The following STK24 variants were observed in gnomAD, a reference collection of about 807,000 sequenced individuals.
STK24 encodes the protein serine/threonine kinase 24.
A neutral mutation model predicts 55.6 loss-of-function variants in STK24; 21 were observed. The ratio of observed to expected loss-of-function variants is 0.38; its 90% CI spans 0.27 to 0.54. STK24 has a LOEUF of 0.54. Among genes scored for constraint, STK24 ranks in the 20% least tolerant of loss-of-function variants. STK24 has a pLI of 0.79. For missense variants in STK24, 383 were observed against 538.4 expected (o/e 0.71, Z 2.86); for synonymous variants, 200 against 215.2 (o/e 0.93, Z 0.62).
At chr13:98,538,388 C>G (rs564918064) in intron 1 of STK24, among the ~76,000 whole-genome samples, 1 of 152,042 alleles carries the variant, frequency 6.6e-6, no homozygotes, top group Non-Finnish European at 1.5e-5. Context: ...CCACACACAG[C>G]TAATTTCTGT....
intron 1 of STK24, among the ~76,000 whole-genome samples, chr13:98,534,780 C>T (rs1448310506): frequency 3.3e-5 from 5 of 152,214 alleles, no homozygotes; most frequent in Non-Finnish European, 7.3e-5. Context: ...TCCGACCCAA[C>T]CAATCAGCAT....
chr13:98,559,006 A>C lies in STK24; in HGVS notation c.42+17739T>G, dbSNP rs1246945583. 9.5e-3 allele frequency among the ~76,000 whole-genome samples: 583 copies of C among 61,552 alleles called. 2 individuals are homozygous for C. Among genetic ancestry groups the C allele is most frequent in the African/African-American group, 0.024 (568 of 24,054 alleles). 40.4% of individuals were successfully genotyped at this position (61,552 alleles called of 152,430 possible). On this transcript the variant is annotated intron_variant, in intron 1 of 10. Coordinates refer to ENST00000539966, the MANE Select transcript of STK24 (RefSeq NM_001032296.4). ...GTGGAGAAACCCTGTCTCTACTAAA[A>C]AAAAAAAAAAAAAAAAAAAAAAAAA...
intron 1 of STK24, among the ~76,000 whole-genome samples, chr13:98,550,437 G>A (rs959618191): frequency 1.3e-5 from 2 of 152,190 alleles, no homozygotes; most frequent in Admixed American, 6.5e-5. Flanking sequence ...GGTGAGGCAG[G>A]AGGATCGCCT....
intron 4 of STK24, 22 bp from the exon 5 acceptor site, chr13:98,475,000 G>A (rs748286949): frequency 4.4e-5 from 70 of 1,593,172 alleles, no homozygotes; most frequent in Non-Finnish European, 5.8e-5. Context: ...AGCCAAGGCG[G>A]CCCTGGGCGG....
intron 1 of STK24, among the ~76,000 whole-genome samples, chr13:98,546,367 C>A (rs1232825680): frequency 7.1e-6 from 1 of 141,648 alleles, no homozygotes. Context: ...TCTACCAACT[C>A]TTACAAAAAC....
intron 1 of STK24, among the ~76,000 whole-genome samples, chr13:98,529,011 C>A (rs1295206440): frequency 6.6e-6 from 1 of 152,114 alleles, no homozygotes; most frequent in African/African-American, 2.4e-5. Context: ...TAGAGCTGAA[C>A]CGAGCCTCAG....
chr13:98,516,980 A>G (rs1896088133), intron 2 of STK24, among the ~76,000 whole-genome samples: 1 of 152,216 alleles, frequency 6.6e-6, no homozygotes, highest in South Asian at 2.1e-4. Flanking sequence ...ATACATGCAG[A>G]TATGTACTGT....
chr13:98,462,415 CAT>C, intron 7 of STK24, among the ~76,000 whole-genome samples: 1 of 152,256 alleles, frequency 6.6e-6, no homozygotes, highest in East Asian at 1.9e-4. Flanking sequence ...CCTCCCCCAT[CAT>C]GAGATGATGG....
At chr13:98,550,532 AAAC>A (rs909046550) in intron 1 of STK24, among the ~76,000 whole-genome samples, 1 of 152,150 alleles carries the variant, frequency 6.6e-6, no homozygotes, top group Non-Finnish European at 1.5e-5. Flanking sequence ...CTCTCTCCAA[AAAC>A]AACAACAACA....
chr13:98,499,280 C>T (rs1158019870), intron 2 of STK24, among the ~76,000 whole-genome samples: 5 of 151,980 alleles, frequency 3.3e-5, no homozygotes, highest in African/African-American at 1.2e-4. Context: ...ATGTTCTCCA[C>T]ACATTCACAC....
intron 1 of STK24, among the ~76,000 whole-genome samples, chr13:98,531,771 G>A (rs931831506): frequency 3.3e-5 from 5 of 152,126 alleles, no homozygotes; most frequent in African/African-American, 1.2e-4. Context: ...TGGGTTTTTG[G>A]CTAGACATCA....
At position 98,452,180 on chromosome 13, in the gene STK24, T is replaced by C. The variant is rs1436501964; in HGVS notation, c.*993A>G. Reference sequence around the variant, plus strand: ...AAAATAAGCGTGTTATAAAATTTATTTGTGTAAGCATTCAGACATTTTTAG... The same window carrying C: ...AAAATAAGCGTGTTATAAAATTTATCTGTGTAAGCATTCAGACATTTTTAG... On this transcript the variant is annotated 3_prime_UTR_variant, in exon 11 of 11. Transcript: ENST00000539966. 6.6e-6 allele frequency: 1 copy of C among 152,118 alleles called. No homozygotes were observed. The highest frequency in any genetic ancestry group is 1.5e-5 in the Non-Finnish European group (1 of 68,026). 9.4% of individuals were successfully genotyped at this position (152,118 alleles called of 1,614,324 possible).
At chr13:98,561,302 G>T (rs1310997641) in intron 1 of STK24, among the ~76,000 whole-genome samples, 2 of 152,146 alleles carry the variant, frequency 1.3e-5, no homozygotes, top group Non-Finnish European at 2.9e-5. Flanking sequence ...CAGCAAGGAG[G>T]TCGGGCACGG....
At chr13:98,521,949 C>G in intron 1 of STK24, 1 of 1,300,840 alleles carries the variant, frequency 7.7e-7, no homozygotes, top group South Asian at 1.3e-5. Context: ...TGGCAACATG[C>G]TCCAGTTTCT....
chr13:98,445,959 C>A lies in STK24; in HGVS notation c.*7214G>T. The A allele has an allele frequency of 1.7e-6, 1 of 604,610 alleles. No homozygotes were observed. The highest frequency in any genetic ancestry group is 2.8e-5 in the East Asian group (1 of 35,288). The allele number at this position is 604,610 out of a possible 1,614,324, so 37.5% of individuals were successfully genotyped here. A position where few individuals can be genotyped will look rare whatever the true frequency, so the allele number is the denominator to read the frequency against. ...AGGACCTGCCAAGTCTCCCCACACA[C>A]GGGGGAGCGGGGGTGGGGCCCACAT... On this transcript the variant is annotated 3_prime_UTR_variant, in exon 11 of 11. Transcript: ENST00000539966.
At chr13:98,553,487 GA>G in intron 1 of STK24, 2 of 168,638 alleles carry the variant, frequency 1.2e-5, no homozygotes, top group Non-Finnish European at 1.4e-5. Context: ...ACCAAGGAAC[GA>G]AAAAGTAGCT....
intron 1 of STK24, among the ~76,000 whole-genome samples, chr13:98,532,707 C>A (rs375121285): frequency 6.6e-6 from 1 of 152,194 alleles, no homozygotes; most frequent in South Asian, 2.1e-4. Flanking sequence ...AATATTCTTT[C>A]GAAGAAAAGT....
intron 9 of STK24, among the ~76,000 whole-genome samples, chr13:98,457,611 A>T (rs1893523527): frequency 6.6e-6 from 1 of 151,804 alleles, no homozygotes. Flanking sequence ...CTGGGATTAC[A>T]GGCCCCTGCC....
Position 98,453,402 on chromosome 13 carries a change from C to G in STK24, c.1260-193G>C, listed in dbSNP as rs1024293154. Reference sequence around the variant, plus strand: ...GACTGAGAAGATCATGATTCTTACACAAAAACTCCAGAGCATGTCACCAAA... The same window carrying G: ...GACTGAGAAGATCATGATTCTTACAGAAAAACTCCAGAGCATGTCACCAAA... On this transcript the variant is annotated intron_variant, in intron 10 of 10. Coordinates refer to ENST00000539966, the MANE Select transcript of STK24 (RefSeq NM_001032296.4). 5.0e-6 allele frequency: 3 copies of G among 599,550 alleles called. No homozygotes were observed. The African/African-American group carries it at 5.7e-5, about 11-fold the overall frequency. 37.1% of individuals were successfully genotyped at this position (599,550 alleles called of 1,614,324 possible). A position where few individuals can be genotyped will look rare whatever the true frequency, so the allele number is the denominator to read the frequency against.
Sources: gnomAD v4.1 joint callset for allele counts (sites outside exome capture counted in the v4.1 genomes callset) on GRCh38, gnomAD v4.1.1 for gene constraint, MANE v1.5 for transcripts, NCBI Gene and HGNC (gene_info 2026-07-23, HGNC 2026-07-21) for gene names.